Variants in SAFB2 observed in about 807,000 individuals in gnomAD.
SAFB2 encodes the protein scaffold attachment factor B2.
A neutral mutation model predicts 100.6 loss-of-function variants in SAFB2; 32 were observed. That is an observed-to-expected ratio of 0.32 (90% CI 0.24 to 0.43). SAFB2 has a LOEUF of 0.43. Ranked by LOEUF, SAFB2 falls within the 20% of genes least tolerant of loss-of-function variation. The probability of loss-of-function intolerance (pLI) is 1.00; values close to 1 mark genes in which losing one functional copy is unlikely to be tolerated. For synonymous variants in SAFB2, 500 were observed against 439.4 expected, an observed-to-expected ratio of 1.14 and a Z score of -1.72; for missense variants, 1,185 against 1,163.4, an observed-to-expected ratio of 1.02 and a Z score of -0.27.
chr19:5,593,220 G>C (rs953325889), intron 15 of SAFB2, among the ~76,000 whole-genome samples: 4 of 152,132 alleles, frequency 2.6e-5, no homozygotes, highest in Non-Finnish European at 5.9e-5. Flanking sequence ...AATAGCATTC[G>C]AGTTGCCACA....
chr19:5,588,115 T>G, intron 18 of SAFB2, 135 bp from the exon 19 acceptor site: 1 of 752,002 alleles, frequency 1.3e-6, no homozygotes, highest in South Asian at 2.0e-5. Context: ...AGTGGGCAAA[T>G]CAAGGGAAGG....
intron 11 of SAFB2, among the ~76,000 whole-genome samples, chr19:5,601,911 C>G (rs2052667037): frequency 6.6e-6 from 1 of 152,072 alleles, no homozygotes; most frequent in African/African-American, 2.4e-5. Context: ...AGCATCATCC[C>G]TAGGTGTTGG....
chr19:5,592,650 G>C (rs921762217), intron 16 of SAFB2, 97 bp downstream of exon 16: 4 of 1,399,254 alleles, frequency 2.9e-6, no homozygotes, highest in African/African-American at 1.4e-5. Context: ...AGGCTTCAGA[G>C]CACACAGGAA....
At chr19:5,592,157 T>C (rs1297560517) in intron 16 of SAFB2, among the ~76,000 whole-genome samples, 2 of 151,962 alleles carry the variant, frequency 1.3e-5, no homozygotes, top group East Asian at 1.9e-4. Flanking sequence ...GAATTAAGAG[T>C]GTGGCCTCTC....
intron 9 of SAFB2, among the ~76,000 whole-genome samples, chr19:5,606,615 C>A (rs1343270133): frequency 1.3e-5 from 2 of 151,988 alleles, no homozygotes; most frequent in African/African-American, 4.8e-5. Context: ...GAGATCCTGT[C>A]TCTAAGGGAA....
At chr19:5,593,636 A>G (rs2052465103) in intron 15 of SAFB2, 1 of 439,400 alleles carries the variant, frequency 2.3e-6, no homozygotes, top group Non-Finnish European at 4.0e-6. Context: ...CAAACCCTTC[A>G]GCAAGTGGCA....
rs2145331780 is a variant in SAFB2, at chr19:5,600,256, C to T, written c.1564G>A (p.Val522Ile). Reference protein sequence around the residue: ...HSVEIKIEKTVIKKEEKIEKK... With the variant: ...HSVEIKIEKTIIKKEEKIEKK... ...TCAATCTTCTCTTCCTTCTTAATTACAGTTCTATTTAAAGACATGGTTATC... is the reference window on the plus strand; with the variant it reads ...TCAATCTTCTCTTCCTTCTTAATTATAGTTCTATTTAAAGACATGGTTATC... Residue 522 changes from valine (V) to isoleucine (I), a missense_variant, in exon 12 of 21, where the codon GTA (valine) becomes ATA (isoleucine). By Grantham distance (29) the Val-to-Ile change is conservative (BLOSUM62 3). Coordinates refer to ENST00000252542, the MANE Select transcript of SAFB2 (RefSeq NM_014649.3). 3 of 1,612,106 alleles carry T rather than the reference C, an allele frequency of 1.9e-6. No homozygotes were observed. The highest frequency in any genetic ancestry group is 2.5e-6 in the Non-Finnish European group (3 of 1,179,380).
chr19:5,593,422 C>T (rs1021105137), intron 15 of SAFB2, among the ~76,000 whole-genome samples: 2 of 152,180 alleles, frequency 1.3e-5, no homozygotes, highest in African/African-American at 4.8e-5. Flanking sequence ...ATTAAGCCGC[C>T]TGGGGTAGCT....
At chr19:5,622,425 G>A (rs934274726) in intron 1 of SAFB2, 105 bp downstream of exon 1, 158 of 1,217,024 alleles carry the variant, frequency 1.3e-4, no homozygotes, top group Non-Finnish European at 1.7e-4. Context: ...CGGCCAAGAC[G>A]CGGGGCGAAC....
chr19:5,595,439 AACG>A lies in SAFB2; in HGVS notation c.1838_1840del (p.Ser613del). 1 of 1,613,862 alleles carries A rather than the reference AACG, an allele frequency of 6.2e-7. No homozygotes were observed. Among genetic ancestry groups the A allele is most frequent in the Non-Finnish European group, 8.5e-7 (1 of 1,179,988 alleles). On this transcript the variant is annotated inframe_deletion, in exon 14 of 21. Transcript: ENST00000252542. The stretch of plus-strand genomic sequence containing the variant: ...CTCCCTTTGTTCTTTGATTTTATCA[AACG>A]ACAAGATGTCTCTCTTTTCTTTGCT...
chr19:5,610,669 CT>C lies in SAFB2; in HGVS notation c.1164del (p.Asp389IlefsTer2). The C allele has an allele frequency of 6.4e-7, 1 of 1,566,960 alleles. No individual in the cohort carries two copies. The highest frequency in any genetic ancestry group is 8.7e-7 in the Non-Finnish European group (1 of 1,144,132). ...DQKMSSFKEE[K>X]DIKPIIKDEK... Reference sequence around the variant, plus strand: ...TCATCTTTAATGATTGGCTTTATATCTTTTTCTTCCTTAAAAGAGCTAGAGA... The same window carrying C: ...TCATCTTTAATGATTGGCTTTATATCTTTTCTTCCTTAAAAGAGCTAGAGA... On this transcript the variant is annotated frameshift_variant, in exon 8 of 21. Coordinates refer to ENST00000252542, the MANE Select transcript of SAFB2 (RefSeq NM_014649.3). LOFTEE classifies it high-confidence loss of function.
intron 11 of SAFB2, among the ~76,000 whole-genome samples, chr19:5,600,913 C>T (rs943435079): frequency 7.9e-5 from 12 of 152,204 alleles, no homozygotes; most frequent in African/African-American, 2.9e-4. Context: ...TGCTGCGTTC[C>T]CTAATGCCAT....
intron 4 of SAFB2, 131 bp from the exon 5 acceptor site, chr19:5,613,658 G>A (rs1306032063): frequency 5.4e-6 from 8 of 1,483,786 alleles, no homozygotes; most frequent in Non-Finnish European, 4.5e-6. Context: ...CTACTGTTGG[G>A]TCATTCAGTT....
Position 5,588,486 on chromosome 19 carries a change from C to T in SAFB2, c.2526-506G>A, listed in dbSNP as rs2240237. On this transcript the variant is annotated intron_variant, in intron 18 of 20. Transcript: ENST00000252542. ...TCCTAACAGCCAAAGGGAGAAGGAC[C>T]CCAACACCCATGAACTGATGAGCAG... Among the ~76,000 whole-genome samples the T allele has an allele frequency of 3.7e-3, 565 of 152,248 alleles. 20 individuals are homozygous for T. In the East Asian group the frequency reaches 0.098, roughly 26 times the overall value.
chr19:5,590,907 C>T (rs1434791560), intron 17 of SAFB2, among the ~76,000 whole-genome samples: 1 of 152,216 alleles, frequency 6.6e-6, no homozygotes, highest in Non-Finnish European at 1.5e-5. Context: ...CACCTCCCAC[C>T]TCTCCACCAG....
intron 15 of SAFB2, 35 bp from the exon 16 acceptor site, chr19:5,592,922 A>G: frequency 6.2e-7 from 1 of 1,605,818 alleles, no homozygotes; most frequent in Non-Finnish European, 8.5e-7. Context: ...TACAAATTCC[A>G]TTAATGAGAG....
chr19:5,617,111 T>C lies in SAFB2; in HGVS notation c.275-625A>G, dbSNP rs566566300. ...AAATCACAAAAAAATGAGCAAAGGA[T>C]AAAAACAGGCATTTTCAACAAACCA... On this transcript the variant is annotated intron_variant, in intron 2 of 20. Coordinates refer to ENST00000252542, the MANE Select transcript of SAFB2 (RefSeq NM_014649.3). Among the ~76,000 whole-genome samples the C allele has an allele frequency of 1.4e-4, 21 of 152,040 alleles. No individual in the cohort carries two copies. The South Asian group carries it at 3.7e-3, about 27-fold the overall frequency.
Position 5,595,397 on chromosome 19 carries a change from T to A in SAFB2, c.1883A>T (p.Gln628Leu). ...CGTTTCGCGGATCTCCCGTTCCCGC[T>A]GCCTCTGGCGCTCTCTCTCCCTTTG... The part of the protein sequence containing the change: ...KEQRERERQR[Q>L]REREIRETER... Residue 628 changes from glutamine (Q) to leucine (L), a missense_variant, in exon 14 of 21, where the codon CAG becomes CTG. This residue lies in a region of SAFB2 where 740 missense variants were observed against 687.1 expected (regional missense o/e 1.08). Transcript: ENST00000252542. 2 of 1,613,128 alleles carry A rather than the reference T, an allele frequency of 1.2e-6. No individual in the cohort carries two copies. Among genetic ancestry groups the A allele is most frequent in the Non-Finnish European group, 1.7e-6 (2 of 1,179,920 alleles).
chr19:5,609,051 C>CAAAAAAAAAAAAAAAAAAAAAA (rs60419324), intron 9 of SAFB2, among the ~76,000 whole-genome samples: 14 of 72,694 alleles, frequency 1.9e-4, no homozygotes, highest in Non-Finnish European at 2.5e-4. Context: ...GACGCAGTCT[C>CAAAAAAAAAAAAAAAAAAAAAA]AAAAAAAAAA....
Sources: gnomAD v4.1 joint callset for allele counts (sites outside exome capture counted in the v4.1 genomes callset) on GRCh38, gnomAD v4.1.1 for gene constraint, gnomAD v4.1.1 regional missense constraint, MANE v1.5 for transcripts, NCBI Gene and HGNC (gene_info 2026-07-23, HGNC 2026-07-21) for gene names.